Variants in ATRNL1 observed in about 807,000 individuals in gnomAD.
ATRNL1 encodes the protein attractin like 1.
Under a neutral mutation model 182.7 loss-of-function variants are expected in ATRNL1, and 95 were observed. The observed-to-expected ratio is 0.52, with a 90% CI of 0.44 to 0.62. The LOEUF (loss-of-function observed/expected upper bound fraction) is 0.62, where lower values mean the gene tolerates loss of function less well. Among genes scored for constraint, ATRNL1 ranks in the 20% least tolerant of loss-of-function variants. The probability of loss-of-function intolerance (pLI) is 0.00; values close to 1 mark genes in which losing one functional copy is unlikely to be tolerated. For synonymous variants in ATRNL1, 576 were observed against 568.3 expected (o/e 1.01, Z -0.19); for missense variants, 1,471 against 1,679.5 (o/e 0.88, Z 2.17).
chr10:115,604,048 G>A (rs1369788161), intron 26 of ATRNL1, among the ~76,000 whole-genome samples: 1 of 151,828 alleles, frequency 6.6e-6, no homozygotes, highest in South Asian at 2.1e-4. Context: ...TCATTCTTTC[G>A]ATGTCATTTC....
intron 26 of ATRNL1, among the ~76,000 whole-genome samples, chr10:115,710,853 G>T (rs184971951): frequency 3.3e-5 from 5 of 152,150 alleles, no homozygotes; most frequent in Non-Finnish European, 7.4e-5. Flanking sequence ...ATTAGAAAGG[G>T]TAAAGCTATA....
At chr10:115,414,570 A>G (rs139650901) in intron 20 of ATRNL1, among the ~76,000 whole-genome samples, 1 of 152,008 alleles carries the variant, frequency 6.6e-6, no homozygotes, top group Non-Finnish European at 1.5e-5. Context: ...AACTACTTCC[A>G]GTATACTCAG....
chr10:115,525,614 A>T (rs1243781744), intron 25 of ATRNL1, among the ~76,000 whole-genome samples: 2 of 152,144 alleles, frequency 1.3e-5, no homozygotes, highest in African/African-American at 4.8e-5. Context: ...AAACCATTCC[A>T]GCATATCCCC....
intron 26 of ATRNL1, among the ~76,000 whole-genome samples, chr10:115,598,697 CTA>C (rs1304306789): frequency 9.9e-5 from 15 of 152,174 alleles, no homozygotes; most frequent in African/African-American, 2.9e-4. Context: ...ATAAAAGTAA[CTA>C]TGTCTTTTAA....
chr10:115,517,538 A>C lies in ATRNL1; in HGVS notation c.3655-1725A>C, dbSNP rs569118668. Among the ~76,000 whole-genome samples, 11 of 151,792 alleles carry C rather than the reference A, an allele frequency of 7.2e-5. No homozygotes were observed. The East Asian group carries it at 1.4e-3, about 19-fold the overall frequency. On this transcript the variant is annotated intron_variant, in intron 24 of 28. Coordinates refer to ENST00000355044, the MANE Select transcript of ATRNL1 (RefSeq NM_207303.4). Reference sequence around the variant, plus strand: ...AATTGCACTGTATCTTATTCAGTTAATTTTATGTTATGTTTATTATTTTAT... The same window carrying C: ...AATTGCACTGTATCTTATTCAGTTACTTTTATGTTATGTTTATTATTTTAT...
At chr10:115,612,671 G>A (rs923818429) in intron 26 of ATRNL1, among the ~76,000 whole-genome samples, 1 of 152,218 alleles carries the variant, frequency 6.6e-6, no homozygotes, top group Non-Finnish European at 1.5e-5. Flanking sequence ...CATGTAACAA[G>A]ATGCAGTTTG....
At chr10:115,794,966 C>T (rs1438110173) in intron 27 of ATRNL1, among the ~76,000 whole-genome samples, 1 of 152,122 alleles carries the variant, frequency 6.6e-6, no homozygotes, top group African/African-American at 2.4e-5. Flanking sequence ...TGTCCCAGAT[C>T]TGAGAGGCCC....
intron 20 of ATRNL1, among the ~76,000 whole-genome samples, chr10:115,425,661 G>A (rs554088506): frequency 6.6e-4 from 100 of 152,024 alleles, no homozygotes; most frequent in Non-Finnish European, 7.7e-4. Flanking sequence ...TGAATTCAAA[G>A]TTTGAGCTCC....
intron 1 of ATRNL1, among the ~76,000 whole-genome samples, chr10:115,116,232 A>G (rs1844479987): frequency 6.6e-6 from 1 of 152,096 alleles, no homozygotes; most frequent in Non-Finnish European, 1.5e-5. Flanking sequence ...GATCTAGATG[A>G]ATAAGTCAGT....
At chr10:115,540,501 C>T (rs2133783776) in intron 25 of ATRNL1, among the ~76,000 whole-genome samples, 1 of 152,204 alleles carries the variant, frequency 6.6e-6, no homozygotes, top group Admixed American at 6.5e-5. Context: ...GTGGCTCACA[C>T]CTGTAATCCC....
intron 28 of ATRNL1, among the ~76,000 whole-genome samples, chr10:115,909,146 C>T (rs1217991482): frequency 6.6e-6 from 1 of 151,490 alleles, no homozygotes; most frequent in Admixed American, 6.6e-5. Flanking sequence ...TTTCTCTCTC[C>T]CCCTAGGCGC....
intron 26 of ATRNL1, among the ~76,000 whole-genome samples, chr10:115,560,161 G>C (rs1425061959): frequency 6.6e-6 from 1 of 152,024 alleles, no homozygotes; most frequent in Non-Finnish European, 1.5e-5. Context: ...AAATACACAG[G>C]AACAAACTTA....
chr10:115,600,351 A>G (rs966058138), intron 26 of ATRNL1, among the ~76,000 whole-genome samples: 1 of 152,156 alleles, frequency 6.6e-6, no homozygotes, highest in East Asian at 1.9e-4. Context: ...GGATTGTATA[A>G]TACCACATTT....
chr10:115,098,508 C>T (rs537914167), intron 1 of ATRNL1, among the ~76,000 whole-genome samples: 1 of 127,040 alleles, frequency 7.9e-6, no homozygotes, highest in East Asian at 2.3e-4. Flanking sequence ...GTCACCCAGG[C>T]TGGAGTGCAG....
chr10:115,385,579 GT>G (rs1232343713), intron 19 of ATRNL1, among the ~76,000 whole-genome samples: 16 of 151,994 alleles, frequency 1.1e-4, no homozygotes, highest in African/African-American at 2.2e-4. Context: ...TAAATTATAT[GT>G]TTTTTTCTTT....
chr10:115,753,178 G>A (rs1371828072), intron 27 of ATRNL1, among the ~76,000 whole-genome samples: 1 of 151,698 alleles, frequency 6.6e-6, no homozygotes, highest in African/African-American at 2.4e-5. Context: ...TTAACTAGAA[G>A]TCCCTTTTTT....
intron 26 of ATRNL1, among the ~76,000 whole-genome samples, chr10:115,617,695 A>G (rs1156849543): frequency 6.6e-6 from 1 of 152,152 alleles, no homozygotes. Context: ...TCATAGGCAT[A>G]AGGGACTAGC....
At chr10:115,439,903 T>C (rs1254268503) in intron 21 of ATRNL1, among the ~76,000 whole-genome samples, 1 of 151,992 alleles carries the variant, frequency 6.6e-6, no homozygotes, top group African/African-American at 2.4e-5. Flanking sequence ...GAATTATTAT[T>C]AATGTGTTTA....
chr10:115,423,549 C>T (rs1845741514), intron 20 of ATRNL1, among the ~76,000 whole-genome samples: 1 of 151,594 alleles, frequency 6.6e-6, no homozygotes, highest in Non-Finnish European at 1.5e-5. Flanking sequence ...AGCAAATGAA[C>T]AAACAAACAA....
Sources: allele counts gnomAD v4.1 joint callset (sites outside exome capture counted in the v4.1 genomes callset), GRCh38; gene constraint gnomAD v4.1.1; transcripts MANE v1.5; gene names NCBI Gene and HGNC (gene_info 2026-07-23, HGNC 2026-07-21).